OTOGL: variants seen among roughly 807,000 people sequenced by gnomAD.
OTOGL encodes otogelin-like protein.
In OTOGL, 285 loss-of-function variants were observed where a neutral mutation model predicts 318.5. The ratio of observed to expected loss-of-function variants is 0.89; its 90% confidence interval spans 0.81 to 0.99. The LOEUF is 0.99. OTOGL is among the 50% of genes least tolerant of loss of function. OTOGL has a pLI of 0.00. For missense variants in OTOGL, 2,899 were observed against 2,845.6 expected, an observed-to-expected ratio of 1.02 and a Z score of -0.43; for synonymous variants, 987 against 936.5, an observed-to-expected ratio of 1.05 and a Z score of -0.99.
Position 80,336,973 on chromosome 12 carries a change from A to G in OTOGL, c.4829A>G (p.His1610Arg), listed in dbSNP as rs765475333. Residue 1610 changes from histidine (H) to arginine (R), a missense_variant, in exon 42 of 59, where the codon CAT becomes CGT. His to Arg is a conservative substitution (Grantham distance 29, BLOSUM62 0). This residue lies in a region of OTOGL where 2,607 missense variants were observed against 2,524.9 expected (regional missense o/e 1.03). Coordinates refer to ENST00000547103, the MANE Select transcript of OTOGL (RefSeq NM_001378609.3). Reference sequence around the variant, plus strand: ...AAGTTAAATGTGACAACACCCATACATAAAATAATTGTCAATCGGTTGGCA... The same window carrying G: ...AAGTTAAATGTGACAACACCCATACGTAAAATAATTGTCAATCGGTTGGCA... ...FKKLNVTTPI[H>R]KIIVNRLARK... The G allele has an allele frequency of 3.8e-6, 6 of 1,592,910 alleles. No individual in the cohort carries two copies. Among genetic ancestry groups the G allele is most frequent in the South Asian group, 1.1e-5 (1 of 87,382 alleles).
At chr12:80,370,801 G>A (rs528622015) in intron 56 of OTOGL, 112 bp downstream of exon 56, 125 of 773,792 alleles carry the variant, frequency 1.6e-4, no homozygotes, top group African/African-American at 1.5e-3. Context: ...TGGCGAATGT[G>A]TTATTTTCAT....
chr12:80,224,303 C>A (rs181608506), intron 7 of OTOGL, among the ~76,000 whole-genome samples: 16 of 152,238 alleles, frequency 1.1e-4, no homozygotes, highest in Middle Eastern at 3.4e-3. Context: ...CAGTACCATG[C>A]TGTTTTGGTG....
At position 80,353,521 on chromosome 12, in the gene OTOGL, A is replaced by G; in HGVS notation, c.5593+11A>G. 1 of 1,514,828 alleles carries G rather than the reference A, an allele frequency of 6.6e-7. No individual in the cohort carries two copies. The highest frequency in any genetic ancestry group is 8.9e-7 in the Non-Finnish European group (1 of 1,125,342). 93.8% of individuals were successfully genotyped at this position (1,514,828 alleles called of 1,614,324 possible). A position where few individuals can be genotyped will look rare whatever the true frequency, so the allele number is the denominator to read the frequency against. ...CAGAGAAAGAGTGTGGTAAGACACAAAGTACAAAATGACTTCTCAGGAATC... is the reference window on the plus strand; with the variant it reads ...CAGAGAAAGAGTGTGGTAAGACACAGAGTACAAAATGACTTCTCAGGAATC... On this transcript the variant is annotated intron_variant, in intron 46 of 58. Transcript: ENST00000547103.
chr12:80,299,116 C>G (rs965279947), intron 27 of OTOGL, among the ~76,000 whole-genome samples: 3 of 152,156 alleles, frequency 2.0e-5, no homozygotes, highest in Non-Finnish European at 4.4e-5. Flanking sequence ...ACTTGAAATT[C>G]TTGTGCACAC....
intron 2 of OTOGL, 35 bp from the exon 3 acceptor site, chr12:80,210,812 A>AT (rs1257399204): frequency 3.1e-5 from 42 of 1,345,476 alleles, no homozygotes; most frequent in South Asian, 1.3e-4. Flanking sequence ...TATTTGGATA[A>AT]TTTTTTTTCA....
chr12:80,266,378 G>A (rs965571260), intron 20 of OTOGL, 73 bp from the exon 21 acceptor site: 4 of 1,463,136 alleles, frequency 2.7e-6, no homozygotes, highest in South Asian at 1.3e-5. Flanking sequence ...TTCTATCATA[G>A]ACCTCTAAGG....
At chr12:80,244,327 C>A (rs1257234798) in intron 11 of OTOGL, among the ~76,000 whole-genome samples, 2 of 115,902 alleles carry the variant, frequency 1.7e-5, no homozygotes, top group Non-Finnish European at 1.7e-5. Flanking sequence ...CCCCTCCCCC[C>A]ACCCCACCAC....
In OTOGL at chr12:80,356,465, T is replaced by C. The variant is rs1566011108; in HGVS notation, c.5856T>C (p.Ser1952=). ...CTAGCATTCCAACATGTACAAATAG[T>C]CAAAAATTGATTGTTGGCCACAGTC... ...CETSIPTCTN[S]QKLIVGHSPL... The change falls in exon 48 of 59, where the codon AGT becomes AGC. Residue 1952 remains serine (S), a synonymous_variant. Transcript: ENST00000547103. 2.5e-6 allele frequency: 4 copies of C among 1,612,370 alleles called. No homozygotes were observed. Among genetic ancestry groups the C allele is most frequent in the Non-Finnish European group, 2.5e-6 (3 of 1,179,260 alleles).
intron 9 of OTOGL, among the ~76,000 whole-genome samples, chr12:80,234,921 TA>T (rs1465595000): frequency 6.6e-6 from 1 of 152,090 alleles, no homozygotes; most frequent in East Asian, 1.9e-4. Context: ...TGAAAGTGTT[TA>T]AAAGTTTCTG....
chr12:80,283,407 C>G (rs941769824), intron 26 of OTOGL, among the ~76,000 whole-genome samples: 1 of 151,916 alleles, frequency 6.6e-6, no homozygotes, highest in African/African-American at 2.4e-5. Context: ...CCTCTGCTCC[C>G]TCAAAGTCAT....
intron 34 of OTOGL, among the ~76,000 whole-genome samples, chr12:80,321,424 C>T (rs1170248611): frequency 1.3e-5 from 2 of 152,110 alleles, no homozygotes; most frequent in Non-Finnish European, 2.9e-5. Flanking sequence ...GCAAGCCCTT[C>T]TAATAATAGA....
intron 1 of OTOGL, among the ~76,000 whole-genome samples, chr12:80,204,876 T>C (rs1876704305): frequency 6.6e-6 from 1 of 152,174 alleles, no homozygotes; most frequent in Non-Finnish European, 1.5e-5. Context: ...CTGGAGCACT[T>C]GGCAGAAGTT....
intron 1 of OTOGL, among the ~76,000 whole-genome samples, chr12:80,179,138 G>A (rs1293550184): frequency 1.3e-5 from 2 of 152,152 alleles, no homozygotes; most frequent in African/African-American, 2.4e-5. Context: ...TCTCACTGGA[G>A]CAGGCTTATG....
At chr12:80,287,122 A>G (rs1234346593) in intron 26 of OTOGL, among the ~76,000 whole-genome samples, 1 of 151,322 alleles carries the variant, frequency 6.6e-6, no homozygotes, top group Non-Finnish European at 1.5e-5. Flanking sequence ...GTTTCAAAGA[A>G]CTTATTTATT....
rs368031854 is a variant in OTOGL at position 80,265,118 on chromosome 12, G to T, written c.2132G>T (p.Ser711Ile). 11 of 1,613,864 alleles carry T rather than the reference G, an allele frequency of 6.8e-6. No homozygotes were observed. The highest frequency in any genetic ancestry group is 1.1e-5 in the South Asian group (1 of 91,080). ...LCRHDACKCGSSCLCNALAHY... is the reference protein window; with the variant it reads ...LCRHDACKCGISCLCNALAHY... ...CGCCACGATGCATGCAAGTGTGGAA[G>T]CTCCTGCCTGTGCAATGCTCTTGCC... is the stretch of plus-strand genomic sequence containing the variant. Residue 711 changes from serine (S) to isoleucine (I), a missense_variant, in exon 20 of 59, where the codon AGC becomes ATC. Around this residue, in one of 3 missense-constraint regions of OTOGL, gnomAD observed 2,607 missense variants for 2,524.9 expected, o/e 1.03. Transcript: ENST00000547103.
At chr12:80,114,686 T>C (rs538359242) in intron 1 of OTOGL, among the ~76,000 whole-genome samples, 119 of 152,300 alleles carry the variant, frequency 7.8e-4, no homozygotes, top group African/African-American at 2.2e-3. Context: ...GAAGTTCTCC[T>C]GGATAATATC....
intron 1 of OTOGL, chr12:80,208,287 T>G: frequency 2.0e-6 from 1 of 492,888 alleles, no homozygotes; most frequent in Non-Finnish European, 4.1e-6. Flanking sequence ...ATATAATGAA[T>G]GTTGGACCAT....
intron 42 of OTOGL, among the ~76,000 whole-genome samples, chr12:80,337,252 T>C (rs1362457791): frequency 6.6e-6 from 1 of 151,984 alleles, no homozygotes; most frequent in Admixed American, 6.6e-5. Flanking sequence ...ACTAGCGACC[T>C]CTGAGATAGT....
At chr12:80,355,468 C>T (rs1889828966) in intron 46 of OTOGL, among the ~76,000 whole-genome samples, 1 of 152,036 alleles carries the variant, frequency 6.6e-6, no homozygotes, top group South Asian at 2.1e-4. Flanking sequence ...AAGCAGTCCT[C>T]CCTCCTCAGC....
Sources: allele counts gnomAD v4.1 joint callset (sites outside exome capture counted in the v4.1 genomes callset), GRCh38; gene constraint gnomAD v4.1.1; regional missense constraint gnomAD v4.1.1; transcripts MANE v1.5; gene names NCBI Gene and HGNC (gene_info 2026-07-23, HGNC 2026-07-21).